Variants in AGGF1 observed in about 807,000 individuals in gnomAD.
The protein encoded by AGGF1 is angiogenic factor with G patch and FHA domains 1.
A neutral mutation model predicts 86.5 loss-of-function variants in AGGF1; 56 were observed. The ratio of observed to expected loss-of-function variants is 0.65; its 90% CI spans 0.52 to 0.81. The LOEUF (loss-of-function observed/expected upper bound fraction) is 0.81. AGGF1 is among the 30% of genes least tolerant of loss of function. The pLI is 0.00. For missense variants in AGGF1, 816 were observed against 850.9 expected, an observed-to-expected ratio of 0.96 and a Z score of 0.51; for synonymous variants, 313 against 297.1, an observed-to-expected ratio of 1.05 and a Z score of -0.55.
intron 5 of AGGF1, among the ~76,000 whole-genome samples, chr5:77,039,984 C>A (rs1337673354): frequency 1.3e-5 from 2 of 151,870 alleles, no homozygotes; most frequent in African/African-American, 2.4e-5. Flanking sequence ...GAATTCAGAT[C>A]CTCAGTTGAT....
At chr5:77,048,310 ATTTCAG>A in intron 7 of AGGF1, 38 bp downstream of exon 7, 2 of 1,457,092 alleles carry the variant, frequency 1.4e-6, no homozygotes, top group Non-Finnish European at 9.6e-7. Flanking sequence ...TCTTTCAGTT[ATTTCAG>A]AAAGGCTTTA....
At chr5:77,031,032 C>G (rs1265281582) in intron 1 of AGGF1, 56 bp downstream of exon 1, 2 of 1,577,162 alleles carry the variant, frequency 1.3e-6, no homozygotes, top group African/African-American at 2.7e-5. Flanking sequence ...GCCTTCGAAG[C>G]CCGTGATAGC....
rs1000832856 is a variant in AGGF1, at chr5:77,063,587, C to A, written c.*335C>A. ...AACTACTAATGACTTAAGTGTACAT[C>A]TGTTCTTGTCTCCATATATTCATGT... On this transcript the variant is annotated 3_prime_UTR_variant, in exon 14 of 14. Coordinates refer to ENST00000312916, the MANE Select transcript of AGGF1 (RefSeq NM_018046.5). 1.1e-5 allele frequency: 3 copies of A among 282,284 alleles called. No individual in the cohort carries two copies. The highest frequency in any genetic ancestry group is 6.8e-5 in the African/African-American group (3 of 44,222). The allele number at this position is 282,284 out of a possible 1,614,324, so 17.5% of individuals were successfully genotyped here.
At chr5:77,036,436 T>C (rs1746968229) in intron 3 of AGGF1, 120 bp from the exon 4 acceptor site, 1 of 1,023,954 alleles carries the variant, frequency 9.8e-7, no homozygotes, top group South Asian at 1.4e-5. Flanking sequence ...ATAGTCATGC[T>C]TTTCCTTTGT....
intron 2 of AGGF1, among the ~76,000 whole-genome samples, chr5:77,035,329 G>A (rs891911042): frequency 6.6e-6 from 1 of 151,850 alleles, no homozygotes; most frequent in African/African-American, 2.4e-5. Context: ...GACAGCTAGG[G>A]TCTTGAAGGA....
In AGGF1 at chr5:77,061,726, G is replaced by A. The variant is rs758850261; in HGVS notation, c.1868G>A (p.Gly623Asp). 1.2e-6 allele frequency: 2 copies of A among 1,613,288 alleles called. No homozygotes were observed. Among genetic ancestry groups the A allele is most frequent in the East Asian group, 4.5e-5 (2 of 44,852 alleles). Residue 623 changes from glycine to aspartate, a missense_variant, in exon 13 of 14, where the codon GGT becomes GAT. Transcript: ENST00000312916. ...AGTGAAATTACTGATAGCAACAAAG[G>A]TCGGAAGATGTTGGAGAAGATGGGT... ...VHSEITDSNK[G>D]RKMLEKMGWK...
intron 4 of AGGF1, among the ~76,000 whole-genome samples, chr5:77,038,113 T>C (rs1746998479): frequency 1.3e-5 from 2 of 152,158 alleles, no homozygotes; most frequent in African/African-American, 4.8e-5. Context: ...ATACTAAATA[T>C]CTCAATTAAC....
At chr5:77,048,414 C>T (rs1172569508) in intron 7 of AGGF1, 142 bp downstream of exon 7, 10 of 670,654 alleles carry the variant, frequency 1.5e-5, no homozygotes, top group East Asian at 2.9e-5. Context: ...TGCAGTGGCA[C>T]GATCTCGGCT....
At chr5:77,042,932 G>GCC in intron 5 of AGGF1, among the ~76,000 whole-genome samples, 1 of 62,028 alleles carries the variant, frequency 1.6e-5, no homozygotes, top group Non-Finnish European at 3.7e-5. Flanking sequence ...CTCCCTCCCG[G>GCC]GCGGGGCGGC....
At chr5:77,058,520 A>G (rs1450558671) in intron 11 of AGGF1, among the ~76,000 whole-genome samples, 2 of 152,166 alleles carry the variant, frequency 1.3e-5, no homozygotes, top group Admixed American at 6.5e-5. Context: ...ATTTGGGGGG[A>G]AAATAGAAGA....
intron 7 of AGGF1, 53 bp from the exon 8 acceptor site, chr5:77,048,883 C>T: frequency 6.5e-7 from 1 of 1,538,476 alleles, no homozygotes; most frequent in Non-Finnish European, 9.0e-7. Context: ...TTCCATGTCA[C>T]TTTATATAAT....
chr5:77,039,449 C>T, intron 4 of AGGF1, 82 bp from the exon 5 acceptor site: 25 of 1,014,158 alleles, frequency 2.5e-5, no homozygotes, highest in Middle Eastern at 3.2e-4. Flanking sequence ...AAATATTTAC[C>T]ACATTTGAAT....
At chr5:77,048,590 C>T (rs1747314624) in intron 7 of AGGF1, among the ~76,000 whole-genome samples, 1 of 152,136 alleles carries the variant, frequency 6.6e-6, no homozygotes, top group Non-Finnish European at 1.5e-5. Flanking sequence ...TCAAGTGATC[C>T]ACCCACCTCA....
chr5:77,055,978 G>A (rs1479770925), intron 11 of AGGF1, among the ~76,000 whole-genome samples: 1 of 152,160 alleles, frequency 6.6e-6, no homozygotes, highest in Non-Finnish European at 1.5e-5. Flanking sequence ...CTGCACTCCA[G>A]CCTGGGCAAT....
At chr5:77,058,209 C>G (rs1747492214) in intron 11 of AGGF1, among the ~76,000 whole-genome samples, 1 of 151,940 alleles carries the variant, frequency 6.6e-6, no homozygotes, top group East Asian at 1.9e-4. Context: ...AATTATACCT[C>G]AATAAAGTTG....
intron 5 of AGGF1, among the ~76,000 whole-genome samples, chr5:77,040,130 CAG>C (rs1747045479): frequency 6.9e-6 from 1 of 144,196 alleles, no homozygotes; most frequent in Non-Finnish European, 1.5e-5. Context: ...TTTTTTGAGA[CAG>C]AGTTTCACTC....
intron 12 of AGGF1, 103 bp downstream of exon 12, chr5:77,059,846 A>G (rs1203806121): frequency 1.4e-6 from 2 of 1,457,274 alleles, no homozygotes; most frequent in Non-Finnish European, 1.9e-6. Context: ...TGGCCTATTT[A>G]TTTGTTTATT....
intron 5 of AGGF1, 30 bp from the exon 6 acceptor site, chr5:77,046,317 G>T (rs375451281): frequency 6.4e-7 from 1 of 1,555,938 alleles, no homozygotes; most frequent in Non-Finnish European, 8.9e-7. Flanking sequence ...ATTCTCCCCT[G>T]TTCCCTCGTA....
intron 6 of AGGF1, 110 bp downstream of exon 6, chr5:77,046,787 T>G: frequency 2.8e-6 from 3 of 1,053,100 alleles, no homozygotes; most frequent in African/African-American, 3.2e-5. Context: ...AAGTAAACAT[T>G]ATTTTAATGA....
Sources: allele counts gnomAD v4.1 joint callset (sites outside exome capture counted in the v4.1 genomes callset), GRCh38; gene constraint gnomAD v4.1.1; transcripts MANE v1.5; gene names NCBI Gene and HGNC (gene_info 2026-07-23, HGNC 2026-07-21).